The following ZNF529 variants were observed in gnomAD, a reference collection of about 807,000 sequenced individuals.
ZNF529 encodes the protein zinc finger protein 529.
In ZNF529, 11 loss-of-function variants were observed where a neutral mutation model predicts 10.1. That is an observed-to-expected ratio of 1.09 (90% CI 0.69 to 1.81). The LOEUF (loss-of-function observed/expected upper bound fraction) is 1.81. Among genes scored for constraint, ZNF529 ranks in the 40% most tolerant of loss-of-function variants. The pLI is 0.00. For synonymous variants in ZNF529, 204 were observed against 215.7 expected, an observed-to-expected ratio of 0.95 and a Z score of 0.47; for missense variants, 624 against 666.8, an observed-to-expected ratio of 0.94 and a Z score of 0.71.
chr19:36,563,463 A>G (rs2035787875), intron 2 of ZNF529, among the ~76,000 whole-genome samples: 1 of 152,174 alleles, frequency 6.6e-6, no homozygotes, highest in East Asian at 1.9e-4. Flanking sequence ...TCAGCTGCAA[A>G]GCTGCAAGGA....
chr19:36,569,422 G>A (rs1600304069), intron 2 of ZNF529, among the ~76,000 whole-genome samples: 1 of 152,212 alleles, frequency 6.6e-6, no homozygotes, highest in African/African-American at 2.4e-5. Flanking sequence ...AGGAAATCAC[G>A]AAAATGACAT....
At chr19:36,566,651 G>A (rs867533059) in intron 2 of ZNF529, among the ~76,000 whole-genome samples, 2 of 151,940 alleles carry the variant, frequency 1.3e-5, no homozygotes, top group Non-Finnish European at 2.9e-5. Context: ...CCAGGCAGTT[G>A]AGGCTGCAGT....
chr19:36,548,448 A>G, intron 4 of ZNF529, 126 bp from the exon 5 acceptor site: 1 of 876,740 alleles, frequency 1.1e-6, no homozygotes, highest in Non-Finnish European at 1.7e-6. Context: ...AAAGATAAAG[A>G]GAGCTCACAG....
chr19:36,592,052 T>C (rs1157226321), intron 1 of ZNF529, among the ~76,000 whole-genome samples: 1 of 151,006 alleles, frequency 6.6e-6, no homozygotes, highest in Non-Finnish European at 1.5e-5. Context: ...AGCGGGTGGA[T>C]CACTTGAGGT....
chr19:36,600,690 G>GA (rs1426094764), intron 1 of ZNF529, among the ~76,000 whole-genome samples: 2 of 151,992 alleles, frequency 1.3e-5, no homozygotes, highest in African/African-American at 4.8e-5. Context: ...TTTTGCCGAG[G>GA]AAAAAATACG....
chr19:36,587,957 C>T (rs1413150081), intron 2 of ZNF529, among the ~76,000 whole-genome samples: 4 of 152,120 alleles, frequency 2.6e-5, no homozygotes, highest in South Asian at 4.2e-4. Context: ...AGACCAGACT[C>T]GCCAACATGG....
intron 1 of ZNF529, among the ~76,000 whole-genome samples, chr19:36,592,116 A>G (rs1361387077): frequency 6.6e-6 from 1 of 151,172 alleles, no homozygotes; most frequent in African/African-American, 2.4e-5. Context: ...CTCTACTAAA[A>G]ATACAGAAAA....
chr19:36,600,983 A>G (rs2036915016), intron 1 of ZNF529, among the ~76,000 whole-genome samples: 1 of 152,208 alleles, frequency 6.6e-6, no homozygotes, highest in Non-Finnish European at 1.5e-5. Flanking sequence ...CCCCTGCTAT[A>G]GACCCAGAGA....
intron 1 of ZNF529, among the ~76,000 whole-genome samples, chr19:36,593,332 C>T (rs1297075065): frequency 1.3e-5 from 2 of 152,110 alleles, no homozygotes; most frequent in Non-Finnish European, 2.9e-5. Context: ...TGCGCCACCT[C>T]ACCTGGCTAA....
chr19:36,578,670 G>A (rs924258989), intron 2 of ZNF529, among the ~76,000 whole-genome samples: 1 of 150,840 alleles, frequency 6.6e-6, no homozygotes, highest in Admixed American at 6.6e-5. Flanking sequence ...GTACAGTGGT[G>A]CGATCTTGGC....
At chr19:36,588,177 T>A (rs2036623100) in intron 2 of ZNF529, among the ~76,000 whole-genome samples, 1 of 152,162 alleles carries the variant, frequency 6.6e-6, no homozygotes, top group Non-Finnish European at 1.5e-5. Flanking sequence ...GAAGAATGTA[T>A]AACTCTGTGA....
intron 4 of ZNF529, 52 bp from the exon 5 acceptor site, chr19:36,548,374 TAGAA>T (rs1198657423): frequency 1.8e-5 from 26 of 1,443,560 alleles, no homozygotes; most frequent in Non-Finnish European, 2.3e-5. Context: ...AAAACAGTTA[TAGAA>T]AGAAGAGACA....
At chr19:36,578,006 A>ATTTTTTT (rs11344496), upstream of ZNF529, 2 of 136,464 alleles carry the variant, frequency 1.5e-5, no homozygotes, top group African/African-American at 5.3e-5. Flanking sequence ...TCAATCCCTT[A>ATTTTTTT]TTTTTTTTTT....
intron 4 of ZNF529, among the ~76,000 whole-genome samples, chr19:36,552,282 T>G (rs2145797488): frequency 6.6e-6 from 1 of 152,054 alleles, no homozygotes; most frequent in African/African-American, 2.4e-5. Context: ...TACAAAAAAT[T>G]AGCCGGGCGT....
intron 2 of ZNF529, among the ~76,000 whole-genome samples, chr19:36,571,263 T>C (rs570859317): frequency 9.2e-5 from 14 of 152,308 alleles, no homozygotes; most frequent in African/African-American, 3.4e-4. Flanking sequence ...TATAAAGATA[T>C]GAGTGTAAAG....
intron 2 of ZNF529, among the ~76,000 whole-genome samples, chr19:36,568,668 C>T (rs2035988425): frequency 6.6e-6 from 1 of 152,024 alleles, no homozygotes; most frequent in African/African-American, 2.4e-5. Flanking sequence ...GACAGGGTTT[C>T]ACTATGTTGG....
chr19:36,584,399 G>T (rs923896275), intron 2 of ZNF529, among the ~76,000 whole-genome samples: 6 of 152,006 alleles, frequency 3.9e-5, no homozygotes, highest in African/African-American at 1.4e-4. Flanking sequence ...AATATGTTGG[G>T]GATTCTGTTT....
At chr19:36,597,041 T>C (rs1174056472) in intron 1 of ZNF529, among the ~76,000 whole-genome samples, 1 of 152,208 alleles carries the variant, frequency 6.6e-6, no homozygotes, top group East Asian at 1.9e-4. Flanking sequence ...ACTCAGCTAA[T>C]TTTAATTTTT....
chr19:36,564,815 T>C (rs2035837386), intron 2 of ZNF529, among the ~76,000 whole-genome samples: 2 of 152,168 alleles, frequency 1.3e-5, no homozygotes, highest in Admixed American at 1.3e-4. Flanking sequence ...CACAGCACTA[T>C]TCACAATAGC....
Sources: gnomAD v4.1 joint callset for allele counts (sites outside exome capture counted in the v4.1 genomes callset) on GRCh38, gnomAD v4.1.1 for gene constraint, MANE v1.5 for transcripts, NCBI Gene and HGNC (gene_info 2026-07-23, HGNC 2026-07-21) for gene names.